Variants in PFKP observed in about 807,000 individuals in gnomAD.
PFKP encodes phosphofructokinase, platelet, also known as ATP-dependent 6-phosphofructokinase, platelet type.
In PFKP, 101 loss-of-function variants were observed where a neutral mutation model predicts 94.3. The ratio of observed to expected loss-of-function variants is 1.07; its 90% CI spans 0.91 to 1.26. The LOEUF (loss-of-function observed/expected upper bound fraction) is 1.26, where lower values mean the gene tolerates loss of function less well. Among genes scored for constraint, PFKP ranks in the 50% most tolerant of loss-of-function variants. PFKP has a pLI of 0.00. For synonymous variants in PFKP, 573 were observed against 432.6 expected (o/e 1.32, Z -4.03); for missense variants, 1,145 against 1,103.3 (o/e 1.04, Z -0.53).
chr10:3,086,454 A>G (rs1408213801), intron 2 of PFKP, among the ~76,000 whole-genome samples: 3 of 152,188 alleles, frequency 2.0e-5, no homozygotes, highest in African/African-American at 7.2e-5. Context: ...GTAGGGAGTG[A>G]TTTACCCCCT....
At position 3,136,637 on chromosome 10, in the gene PFKP, TAA is replaced by T. The variant is rs1340097675; in HGVS notation, c.*59_*60del. The T allele has an allele frequency of 1.3e-5, 20 of 1,570,156 alleles. No homozygotes were observed. Among genetic ancestry groups the T allele is most frequent in the South Asian group, 4.6e-5 (4 of 87,508 alleles). On this transcript the variant is annotated 3_prime_UTR_variant, in exon 22 of 22. Transcript: ENST00000381125. ...GTGGACTGTCTGTTTTTGTAACACT[TAA>T]GTTATTTTATCAGCACTTTATGCAC...
At position 3,112,175 on chromosome 10, in the gene PFKP, A is replaced by G. The variant is rs534005647; in HGVS notation, c.1090-47A>G. ...TCTCTACCTACCCCATCCATGATGC[A>G]CCAGGTCCTGACACATTCTTTCTTC... On this transcript the variant is annotated intron_variant, in intron 10 of 21. Coordinates refer to ENST00000381125, the MANE Select transcript of PFKP (RefSeq NM_002627.5). 7.4e-6 allele frequency: 11 copies of G among 1,478,916 alleles called. No individual in the cohort carries two copies. The East Asian group carries it at 1.8e-4, about 24-fold the overall frequency. The allele number at this position is 1,478,916 out of a possible 1,614,324, so 91.6% of individuals were successfully genotyped here.
At chr10:3,116,915 A>G in intron 14 of PFKP, 69 bp downstream of exon 14, 1 of 1,238,362 alleles carries the variant, frequency 8.1e-7, no homozygotes, top group Non-Finnish European at 1.2e-6. Flanking sequence ...CTGGGAGAGA[A>G]TCGCTGGGTG....
chr10:3,105,317 G>A (rs1191802833), intron 6 of PFKP, 76 bp from the exon 7 acceptor site: 26 of 1,366,754 alleles, frequency 1.9e-5, no homozygotes, highest in Non-Finnish European at 2.4e-5. Flanking sequence ...CACGTCTGTC[G>A]CTGAGCGGGG....
chr10:3,079,244 T>C (rs1261811216), intron 1 of PFKP, among the ~76,000 whole-genome samples: 2 of 150,922 alleles, frequency 1.3e-5, no homozygotes, highest in East Asian at 3.9e-4. Context: ...TGTCCAGCTT[T>C]TTTTTTCTGA....
chr10:3,109,399 C>T lies in PFKP; in HGVS notation c.1008C>T (p.Ala336=), dbSNP rs1162046481. The change falls in exon 10 of 22, where the codon GCC becomes GCT. Residue 336 remains alanine (A), a synonymous_variant. Transcript: ENST00000381125. The part of the protein sequence containing the change: ...GVEAVIALLE[A]TPDTPACVVS... ...AGGCAGTCATCGCCTTGCTAGAGGC[C>T]ACCCCGGACACCCCAGCTTGCGTCG... The T allele has an allele frequency of 6.2e-7, 1 of 1,610,526 alleles. No individual in the cohort carries two copies. The highest frequency in any genetic ancestry group is 1.7e-5 in the Admixed American group (1 of 60,018).
At chr10:3,101,331 TGA>T (rs767863078) in intron 3 of PFKP, 32 bp from the exon 4 acceptor site, 1 of 1,542,302 alleles carries the variant, frequency 6.5e-7, no homozygotes, top group Non-Finnish European at 8.8e-7. Flanking sequence ...TCTCTCAGAC[TGA>T]GAGGAGATAA....
At chr10:3,132,694 T>C (rs896074208) in intron 18 of PFKP, among the ~76,000 whole-genome samples, 3 of 152,180 alleles carry the variant, frequency 2.0e-5, no homozygotes, top group African/African-American at 7.2e-5. Flanking sequence ...TAGCACCTGA[T>C]GTTTATGAAG....
chr10:3,099,855 T>A (rs11251717), intron 3 of PFKP, among the ~76,000 whole-genome samples: 1 of 151,706 alleles, frequency 6.6e-6, no homozygotes, highest in Non-Finnish European at 1.5e-5. Context: ...TGTTTCTGTG[T>A]GTGGTGTATG....
intron 2 of PFKP, among the ~76,000 whole-genome samples, chr10:3,095,954 ATTT>A (rs11426937): frequency 6.6e-6 from 1 of 152,002 alleles, no homozygotes; most frequent in African/African-American, 2.4e-5. Flanking sequence ...CTCCCTTTCT[ATTT>A]TTTAATGGCT....
At chr10:3,130,890 T>A in intron 17 of PFKP, among the ~76,000 whole-genome samples, 1 of 88,176 alleles carries the variant, frequency 1.1e-5, no homozygotes, top group Non-Finnish European at 2.4e-5. Context: ...ATGTTACTTG[T>A]TTCTGAGCCA....
intron 15 of PFKP, 132 bp from the exon 16 acceptor site, chr10:3,119,760 C>T (rs1010613600): frequency 8.9e-6 from 6 of 672,270 alleles, no homozygotes; most frequent in African/African-American, 3.6e-5. Flanking sequence ...GTGTTGATCT[C>T]GGAGTGTTTT....
chr10:3,082,359 A>G, intron 1 of PFKP, 29 bp from the exon 2 acceptor site: 2 of 1,574,938 alleles, frequency 1.3e-6, no homozygotes, highest in Non-Finnish European at 1.7e-6. Context: ...CGGGCTCTTC[A>G]GTGACTCTTG....
intron 16 of PFKP, among the ~76,000 whole-genome samples, chr10:3,128,626 T>TGTTCCCTGGCGCCTC (rs1225816532): frequency 1.4e-5 from 2 of 139,270 alleles, no homozygotes; most frequent in Admixed American, 7.1e-5. Context: ...TTGTACGCCT[T>TGTTCCCTGGCGCCTC]GTTCCCTGGC....
In PFKP at chr10:3,121,094, T is replaced by A. The variant is rs115540061; in HGVS notation, c.1683+1050T>A. Among the ~76,000 whole-genome samples, 1,063 of 152,350 alleles carry A rather than the reference T, an allele frequency of 7.0e-3. 13 individuals carry two copies. Among genetic ancestry groups the A allele is most frequent in the African/African-American group, 0.025 (1,020 of 41,584 alleles). On this transcript the variant is annotated intron_variant, in intron 16 of 21. Coordinates refer to ENST00000381125, the MANE Select transcript of PFKP (RefSeq NM_002627.5). Reference sequence around the variant, plus strand: ...ACAAGCTTTTAACATACAGCTCATATGGTAAGTAATGCTTAGCACTCGTTT... The same window carrying A: ...ACAAGCTTTTAACATACAGCTCATAAGGTAAGTAATGCTTAGCACTCGTTT...
At chr10:3,077,270 T>C (rs1489681170) in intron 1 of PFKP, among the ~76,000 whole-genome samples, 1 of 132,134 alleles carries the variant, frequency 7.6e-6, no homozygotes, top group Non-Finnish European at 1.6e-5. Context: ...TCTTTTTTTT[T>C]TTTTTTTTTT....
chr10:3,102,634 G>T (rs1316674688), intron 4 of PFKP, among the ~76,000 whole-genome samples: 1 of 152,172 alleles, frequency 6.6e-6, no homozygotes, highest in Non-Finnish European at 1.5e-5. Context: ...GTTTCGCCAT[G>T]TTGGCCAGGC....
intron 7 of PFKP, among the ~76,000 whole-genome samples, chr10:3,106,410 C>T (rs925098667): frequency 7.1e-6 from 1 of 140,704 alleles, no homozygotes; most frequent in Non-Finnish European, 1.6e-5. Flanking sequence ...GAAAGCATGG[C>T]GTGCACGGGG....
intron 16 of PFKP, among the ~76,000 whole-genome samples, chr10:3,120,272 G>A (rs1201748673): frequency 1.3e-5 from 2 of 152,124 alleles, no homozygotes; most frequent in African/African-American, 4.8e-5. Flanking sequence ...CCAGGGGGAC[G>A]TAGTGTGGCC....
Sources: gnomAD v4.1 joint callset for allele counts (sites outside exome capture counted in the v4.1 genomes callset) on GRCh38, gnomAD v4.1.1 for gene constraint, MANE v1.5 for transcripts, NCBI Gene and HGNC (gene_info 2026-07-23, HGNC 2026-07-21) for gene names.